Variants in NPRL3 observed in about 807,000 individuals in gnomAD.
NPRL3 encodes the protein NPR3 like, GATOR1 complex subunit, also known as GATOR1 complex protein NPRL3.
In NPRL3, 23 loss-of-function variants were observed where a neutral mutation model predicts 57.2. The ratio of observed to expected loss-of-function variants is 0.40; its 90% CI spans 0.29 to 0.57. NPRL3 has a LOEUF of 0.57. Ranked by LOEUF, NPRL3 falls within the 20% of genes least tolerant of loss-of-function variation. NPRL3 has a pLI of 0.42. For synonymous variants in NPRL3, 333 were observed against 321.1 expected (o/e 1.04, Z -0.39); for missense variants, 691 against 767.1 (o/e 0.90, Z 1.17).
rs535416479 is a variant in NPRL3 at position 101,706 on chromosome 16, T to A, written c.630-1197A>T. Among the ~76,000 whole-genome samples, 12 of 152,318 alleles carry A rather than the reference T, an allele frequency of 7.9e-5. No homozygotes were observed. The East Asian group carries it at 2.3e-3, about 29-fold the overall frequency. ...ACTCCCACCTGGGCAGTCCCAGCCA[T>A]GGGCCTGCAACACCCACGTTCCTGT... On this transcript the variant is annotated intron_variant, in intron 7 of 13. Coordinates refer to ENST00000611875, the MANE Select transcript of NPRL3 (RefSeq NM_001077350.3).
intron 5 of NPRL3, among the ~76,000 whole-genome samples, chr16:115,121 C>T (rs950633113): frequency 3.4e-4 from 51 of 151,732 alleles, no homozygotes; most frequent in African/African-American, 1.1e-3. Flanking sequence ...ACTACAGGCG[C>T]ACATCATCAT....
Position 89,841 on chromosome 16 carries a change from G to T in NPRL3, c.1223C>A (p.Thr408Asn), listed in dbSNP as rs762208602. The part of the protein sequence containing the change: ...LQRRLLIQLH[T>N]YVCLMASPSE... ...GGGTGAGGCCATCAGGCAGACATAGGTGTGCAGCTGGATGAGAAGCCGGCG... is the reference window on the plus strand; with the variant it reads ...GGGTGAGGCCATCAGGCAGACATAGTTGTGCAGCTGGATGAGAAGCCGGCG... Residue 408 changes from threonine (T) to asparagine (N), a missense_variant, in exon 12 of 14, where the codon ACC becomes AAC. By Grantham distance (65) the Thr-to-Asn change is moderately conservative. Transcript: ENST00000611875. 1 of 1,578,822 alleles carries T rather than the reference G, an allele frequency of 6.3e-7. No homozygotes were observed. Among genetic ancestry groups the T allele is most frequent in the South Asian group, 1.2e-5 (1 of 85,974 alleles).
chr16:98,127 G>T lies in NPRL3; in HGVS notation c.924+18C>A. On this transcript the variant is annotated intron_variant, in intron 9 of 13. Coordinates refer to ENST00000611875, the MANE Select transcript of NPRL3 (RefSeq NM_001077350.3). ...CAGCACCGCCACATGCCACCCATCT[G>T]GGCCTCCAGAGCTATACCTGCAGCA... 1 of 1,609,396 alleles carries T rather than the reference G, an allele frequency of 6.2e-7. No individual in the cohort carries two copies. The highest frequency in any genetic ancestry group is 8.5e-7 in the Non-Finnish European group (1 of 1,177,236).
intron 7 of NPRL3, among the ~76,000 whole-genome samples, 191 bp downstream of exon 7, chr16:110,334 C>T (rs1567138765): frequency 6.6e-6 from 1 of 152,022 alleles, no homozygotes; most frequent in Non-Finnish European, 1.5e-5. Context: ...ACCAAGGTCA[C>T]TTCTTTCAAG....
intron 5 of NPRL3, among the ~76,000 whole-genome samples, chr16:113,860 C>T (rs1395337317): frequency 5.3e-5 from 8 of 152,206 alleles, no homozygotes; most frequent in Non-Finnish European, 1.2e-4. Flanking sequence ...TCTATATTCT[C>T]ATCAGATCCC....
At chr16:115,587 C>T (rs540609953) in intron 5 of NPRL3, among the ~76,000 whole-genome samples, 1 of 151,636 alleles carries the variant, frequency 6.6e-6, no homozygotes, top group Admixed American at 6.6e-5. Flanking sequence ...CCGGATTCAA[C>T]CGATTCTACT....
rs756427551 is a variant in NPRL3 at position 98,128 on chromosome 16, G to T, written c.924+17C>A. The stretch of plus-strand genomic sequence containing the variant: ...AGCACCGCCACATGCCACCCATCTG[G>T]GCCTCCAGAGCTATACCTGCAGCAA... On this transcript the variant is annotated intron_variant, in intron 9 of 13. Transcript: ENST00000611875. The T allele has an allele frequency of 2.5e-6, 4 of 1,609,968 alleles. No individual in the cohort carries two copies. The Admixed American group carries it at 6.7e-5, about 27-fold the overall frequency.
intron 7 of NPRL3, among the ~76,000 whole-genome samples, chr16:101,606 C>A (rs1035098003): frequency 6.6e-6 from 1 of 152,308 alleles, no homozygotes; most frequent in East Asian, 1.9e-4. Flanking sequence ...CAGGGATGTC[C>A]AAAATCCAGG....
chr16:119,098 A>G (rs1156769570), intron 4 of NPRL3, 28 bp downstream of exon 4: 1 of 1,611,440 alleles, frequency 6.2e-7, no homozygotes. Flanking sequence ...GCCCAGGGAG[A>G]GCCCCACCTG....
rs749419450 is a variant in NPRL3 at position 110,616 on chromosome 16, T to A, written c.548-10A>T. On this transcript the variant is annotated splice_polypyrimidine_tract_variant and intron_variant, in intron 6 of 13. Coordinates refer to ENST00000611875, the MANE Select transcript of NPRL3 (RefSeq NM_001077350.3). ...TGAGGACCTTCATTTCCTACAAGAATCACAACACAAGATTTACAGCTCCCG... is the reference window on the plus strand; with the variant it reads ...TGAGGACCTTCATTTCCTACAAGAAACACAACACAAGATTTACAGCTCCCG... 30 of 1,601,946 alleles carry A rather than the reference T, an allele frequency of 1.9e-5. No homozygotes were observed. Among genetic ancestry groups the A allele is most frequent in the Admixed American group, 1.2e-4 (7 of 58,438 alleles).
chr16:92,686 T>C lies in NPRL3; in HGVS notation c.1071A>G (p.Pro357=). 1 of 1,613,764 alleles carries C rather than the reference T, an allele frequency of 6.2e-7. No individual in the cohort carries two copies. Among genetic ancestry groups the C allele is most frequent in the East Asian group, 2.2e-5 (1 of 44,872 alleles). ...CAAGAACGGACGGCAGGTCATGAGATGGGAACTGGTGGGAGAACTGCTCGG... is the reference window on the plus strand; with the variant it reads ...CAAGAACGGACGGCAGGTCATGAGACGGGAACTGGTGGGAGAACTGCTCGG... The part of the protein sequence containing the change: ...PLAEQFSHQF[P]SHDLPSVLAK... The change falls in exon 11 of 14, where the codon CCA becomes CCG. Residue 357 remains proline, a synonymous_variant. Transcript: ENST00000611875.
At chr16:92,420 C>T (rs1019063832) in intron 11 of NPRL3, among the ~76,000 whole-genome samples, 176 bp downstream of exon 11, 6 of 152,134 alleles carry the variant, frequency 3.9e-5, no homozygotes, top group South Asian at 2.1e-4. Flanking sequence ...GCAGGTGGCC[C>T]GGCAGCTGAC....
In NPRL3 at chr16:125,694, A is replaced by T. The variant is rs559839680; in HGVS notation, c.188+4828T>A. 12 of 152,394 alleles carry T rather than the reference A, an allele frequency of 7.9e-5. No individual in the cohort carries two copies. In the South Asian group the frequency reaches 2.1e-3, roughly 26 times the overall value. The allele number at this position is 152,394 out of a possible 1,614,324, so 9.4% of individuals were successfully genotyped here. Reference sequence around the variant, plus strand: ...GTCAAACTTGGAACCCTGAACCTGCACTTGTCCCTTTACACTGCCCTGCAG... The same window carrying T: ...GTCAAACTTGGAACCCTGAACCTGCTCTTGTCCCTTTACACTGCCCTGCAG... On this transcript the variant is annotated intron_variant, in intron 3 of 13. Transcript: ENST00000611875.
rs1212300941 is a variant in NPRL3, at chr16:135,743, G to A, written c.118+2407C>T. ...AAAACTCAGAAACCACAAGAGATTA[G>A]ACTGAAAACTCCACAAAAATCAAAA... On this transcript the variant is annotated intron_variant, in intron 2 of 13. Transcript: ENST00000611875. Among the ~76,000 whole-genome samples, 4 of 151,334 alleles carry A rather than the reference G, an allele frequency of 2.6e-5. No homozygotes were observed. The East Asian group carries it at 7.7e-4, about 29-fold the overall frequency.
rs1220722652 is a variant in NPRL3, at chr16:93,212, C to T, written c.1031+7G>A. ...GGCTCCAGGCTCTGGCAGCCAGCAGCACTCACAGACATACGCTGGCATTGG... is the reference window on the plus strand; with the variant it reads ...GGCTCCAGGCTCTGGCAGCCAGCAGTACTCACAGACATACGCTGGCATTGG... On this transcript the variant is annotated splice_region_variant and intron_variant, in intron 10 of 13. Coordinates refer to ENST00000611875, the MANE Select transcript of NPRL3 (RefSeq NM_001077350.3). The T allele has an allele frequency of 1.3e-6, 2 of 1,533,652 alleles. No homozygotes were observed. Among genetic ancestry groups the T allele is most frequent in the Admixed American group, 2.0e-5 (1 of 51,064 alleles).
At chr16:131,730 G>A (rs905155976) in intron 2 of NPRL3, among the ~76,000 whole-genome samples, 8 of 152,156 alleles carry the variant, frequency 5.3e-5, no homozygotes, top group South Asian at 2.1e-4. Context: ...GAAGGCTGGG[G>A]TGCTGTAGCA....
intron 3 of NPRL3, among the ~76,000 whole-genome samples, chr16:129,031 A>T (rs538053012): frequency 6.6e-6 from 1 of 152,380 alleles, no homozygotes; most frequent in East Asian, 1.9e-4. Context: ...AGAGAGAAGC[A>T]TGCCCCTCCC....
At chr16:106,116 C>T (rs1243451783) in intron 7 of NPRL3, among the ~76,000 whole-genome samples, 3 of 151,834 alleles carry the variant, frequency 2.0e-5, no homozygotes, top group Non-Finnish European at 2.9e-5. Context: ...CAAGACCAGG[C>T]TGGCCAACAT....
At chr16:113,576 G>A (rs1201871615) in intron 5 of NPRL3, among the ~76,000 whole-genome samples, 5 of 152,196 alleles carry the variant, frequency 3.3e-5, no homozygotes, top group Non-Finnish European at 7.3e-5. Flanking sequence ...ATGCAGCTGT[G>A]GGGGTCTGTG....
Sources: allele counts gnomAD v4.1 joint callset (sites outside exome capture counted in the v4.1 genomes callset), GRCh38; gene constraint gnomAD v4.1.1; transcripts MANE v1.5; gene names NCBI Gene and HGNC (gene_info 2026-07-23, HGNC 2026-07-21).